The following WWC2 variants were observed in gnomAD, a reference collection of about 807,000 sequenced individuals.
WWC2 encodes the protein protein WWC2.
In WWC2, 101 loss-of-function variants were observed where a neutral mutation model predicts 138.5. The ratio of observed to expected loss-of-function variants is 0.73; its 90% CI spans 0.62 to 0.86. The LOEUF (loss-of-function observed/expected upper bound fraction) is 0.86, where lower values mean the gene tolerates loss of function less well. WWC2 is among the 40% of genes least tolerant of loss of function. The pLI, the probability that WWC2 is intolerant of heterozygous loss-of-function variation, is 0.00. For missense variants in WWC2, 1,420 were observed against 1,419.4 expected (o/e 1.00, Z -0.01); for synonymous variants, 558 against 538.4 (o/e 1.04, Z -0.50).
intron 1 of WWC2, among the ~76,000 whole-genome samples, chr4:183,185,323 A>G (rs1734759425): frequency 6.6e-6 from 1 of 152,186 alleles, no homozygotes; most frequent in Non-Finnish European, 1.5e-5. Flanking sequence ...ATTAGCACCA[A>G]CTTTTTTTTA....
chr4:183,144,519 T>G (rs1445659193), intron 1 of WWC2, among the ~76,000 whole-genome samples: 3 of 152,172 alleles, frequency 2.0e-5, no homozygotes, highest in Non-Finnish European at 4.4e-5. Flanking sequence ...TGTACTATGG[T>G]GAAGAAAACT....
At chr4:183,219,360 GACAA>G (rs1342913877) in intron 4 of WWC2, among the ~76,000 whole-genome samples, 8 of 152,106 alleles carry the variant, frequency 5.3e-5, no homozygotes, top group African/African-American at 1.7e-4. Flanking sequence ...TAATTTTTCA[GACAA>G]ACAAGAGAAC....
At chr4:183,116,720 C>T (rs1291353410) in intron 1 of WWC2, among the ~76,000 whole-genome samples, 2 of 152,326 alleles carry the variant, frequency 1.3e-5, no homozygotes, top group East Asian at 3.9e-4. Context: ...CTGTTTTTAG[C>T]ATCTGTATTA....
chr4:183,140,213 G>A (rs1164532366), intron 1 of WWC2, among the ~76,000 whole-genome samples: 3 of 152,208 alleles, frequency 2.0e-5, no homozygotes, highest in Non-Finnish European at 2.9e-5. Flanking sequence ...TAGGGATTGA[G>A]AACTGTTCAG....
Position 183,260,946 on chromosome 4 carries a change from C to T in WWC2, c.1323C>T (p.Ser441=). The T allele has an allele frequency of 1.2e-6, 2 of 1,613,880 alleles. No individual in the cohort carries two copies. The highest frequency in any genetic ancestry group is 1.7e-6 in the Non-Finnish European group (2 of 1,179,870). Residue 441 remains serine (S), a synonymous_variant, in exon 11 of 23, where the codon AGC becomes AGT. Coordinates refer to ENST00000403733, the MANE Select transcript of WWC2 (RefSeq NM_024949.6). ...SASTLSMSSG[S]SLGSLASSRG... ...GCACCCTGTCCATGTCATCTGGGAG[C>T]AGCCTGGGTTCCCTGGCATCGAGTC... is the stretch of plus-strand genomic sequence containing the variant.
intron 8 of WWC2, among the ~76,000 whole-genome samples, chr4:183,252,417 C>T (rs1428033836): frequency 6.6e-6 from 1 of 152,150 alleles, no homozygotes; most frequent in African/African-American, 2.4e-5. Context: ...TACAGTGCCA[C>T]GTAGCAAGTT....
chr4:183,127,935 A>C (rs1235907898), intron 1 of WWC2, among the ~76,000 whole-genome samples: 1 of 152,078 alleles, frequency 6.6e-6, no homozygotes, highest in Non-Finnish European at 1.5e-5. Flanking sequence ...AGAACAATCC[A>C]ATCTAATAAA....
rs191766473 is a variant in WWC2, at chr4:183,124,676, G to A, written c.131+25054G>A. Among the ~76,000 whole-genome samples, 168 of 150,024 alleles carry A rather than the reference G, an allele frequency of 1.1e-3. 1 individual carries two copies. Among genetic ancestry groups the A allele is most frequent in the African/African-American group, 3.7e-3 (149 of 40,754 alleles). ...ATGATCTCGGCTCACTGCAACCTCC[G>A]CCTCCCGGATTCAAGCAGTTCTCCT... On this transcript the variant is annotated intron_variant, in intron 1 of 22. Coordinates refer to ENST00000403733, the MANE Select transcript of WWC2 (RefSeq NM_024949.6).
chr4:183,194,443 A>G (rs927821863), intron 2 of WWC2, among the ~76,000 whole-genome samples: 2 of 152,208 alleles, frequency 1.3e-5, no homozygotes, highest in Admixed American at 1.3e-4. Flanking sequence ...ATACTCATTC[A>G]CTTTGCTTAT....
intron 1 of WWC2, among the ~76,000 whole-genome samples, chr4:183,108,910 G>A (rs1211067088): frequency 1.3e-5 from 2 of 152,094 alleles, no homozygotes; most frequent in Admixed American, 6.5e-5. Context: ...CACCCGGCCC[G>A]ATTGTAGTTA....
chr4:183,209,373 G>A (rs1005698180), intron 4 of WWC2, among the ~76,000 whole-genome samples: 3 of 152,070 alleles, frequency 2.0e-5, no homozygotes, highest in East Asian at 1.9e-4. Context: ...GATTACAGGC[G>A]CGTGCCACTA....
chr4:183,267,369 G>A (rs958152248), intron 14 of WWC2, among the ~76,000 whole-genome samples: 13 of 152,282 alleles, frequency 8.5e-5, no homozygotes, highest in Middle Eastern at 3.4e-3. Context: ...ACCAGTCAGC[G>A]GTGTCCAGGA....
intron 1 of WWC2, among the ~76,000 whole-genome samples, chr4:183,171,916 G>A (rs1171213720): frequency 1.3e-5 from 2 of 151,978 alleles, no homozygotes; most frequent in Non-Finnish European, 2.9e-5. Context: ...CATCCTCTTG[G>A]TGTTTTCTAT....
chr4:183,258,127 T>A (rs1737207828), intron 9 of WWC2, among the ~76,000 whole-genome samples: 1 of 152,202 alleles, frequency 6.6e-6, no homozygotes, highest in Admixed American at 6.5e-5. Flanking sequence ...CAATATTGAG[T>A]TTTAAAACTT....
intron 1 of WWC2, among the ~76,000 whole-genome samples, chr4:183,102,570 A>C (rs1469656240): frequency 6.6e-6 from 1 of 152,150 alleles, no homozygotes; most frequent in Non-Finnish European, 1.5e-5. Context: ...TGTGTCCTTA[A>C]TCATTCCTTT....
At chr4:183,211,654 C>T (rs556718413) in intron 4 of WWC2, among the ~76,000 whole-genome samples, 58 of 152,234 alleles carry the variant, frequency 3.8e-4, no homozygotes, top group African/African-American at 1.3e-3. Flanking sequence ...CTGAACTTCA[C>T]GTCTCTTCCC....
rs961304607 is a variant in WWC2 at position 183,228,724 on chromosome 4, G to A, written c.523-11459G>A. ...CAGCTGGAACTCTTTACTGCTGGTG[G>A]GAAACTGGCCTTTCCTAATAAAGCT... On this transcript the variant is annotated intron_variant, in intron 4 of 22. Transcript: ENST00000403733. Among the ~76,000 whole-genome samples the A allele has an allele frequency of 5.7e-4, 86 of 152,152 alleles. 3 individuals are homozygous for A. The highest frequency in any genetic ancestry group is 2.0e-3 in the African/African-American group (81 of 41,408).
At chr4:183,114,204 T>C (rs1732340533) in intron 1 of WWC2, among the ~76,000 whole-genome samples, 1 of 152,164 alleles carries the variant, frequency 6.6e-6, no homozygotes, top group South Asian at 2.1e-4. Flanking sequence ...CTCTCTCTTG[T>C]TCCTGCTCTG....
intron 1 of WWC2, among the ~76,000 whole-genome samples, chr4:183,153,873 G>A (rs991037178): frequency 5.3e-5 from 8 of 151,474 alleles, no homozygotes; most frequent in Admixed American, 2.6e-4. Flanking sequence ...TTAAACTCCT[G>A]AGCTCAAGCA....
Sources: gnomAD v4.1 joint callset for allele counts (sites outside exome capture counted in the v4.1 genomes callset) on GRCh38, gnomAD v4.1.1 for gene constraint, MANE v1.5 for transcripts, NCBI Gene and HGNC (gene_info 2026-07-23, HGNC 2026-07-21) for gene names.